Variants in TCF7L2 observed in about 807,000 individuals in gnomAD.
TCF7L2 encodes transcription factor 7 like 2.
Under a neutral mutation model 77.9 loss-of-function variants are expected in TCF7L2, and 23 were observed. The observed-to-expected ratio is 0.30, with a 90% CI of 0.21 to 0.42. The LOEUF is 0.42. Among genes scored for constraint, TCF7L2 ranks in the 10% least tolerant of loss-of-function variants. The pLI is 1.00. For synonymous variants in TCF7L2, 413 were observed against 340.2 expected (o/e 1.21, Z -2.36); for missense variants, 654 against 793.1 (o/e 0.82, Z 2.11).
chr10:112,971,854 C>A (rs1388036739), intron 4 of TCF7L2, among the ~76,000 whole-genome samples: 1 of 152,052 alleles, frequency 6.6e-6, no homozygotes, highest in Non-Finnish European at 1.5e-5. Flanking sequence ...CTCAGGTGAT[C>A]CATCTGCTTT....
chr10:113,086,223 A>G (rs1009378171), intron 5 of TCF7L2, among the ~76,000 whole-genome samples: 3 of 152,226 alleles, frequency 2.0e-5, no homozygotes, highest in African/African-American at 4.8e-5. Context: ...ATGGAGGCCA[A>G]TCTGGCTGAG....
intron 5 of TCF7L2, among the ~76,000 whole-genome samples, chr10:113,073,099 C>CTGTGTGTGTGT (rs145753150): frequency 9.6e-6 from 1 of 103,962 alleles, no homozygotes; most frequent in Non-Finnish European, 1.9e-5. Context: ...AGGGCCAGGT[C>CTGTGTGTGTGT]GTGTGTGTGT....
At chr10:112,987,903 A>C (rs1043837098) in intron 4 of TCF7L2, 2 of 150,528 alleles carry the variant, frequency 1.3e-5, no homozygotes, top group African/African-American at 4.9e-5. Flanking sequence ...TAAATAAATA[A>C]ATAAAAATAA....
chr10:113,049,667 A>G (rs1245643147), intron 5 of TCF7L2, among the ~76,000 whole-genome samples: 1 of 152,168 alleles, frequency 6.6e-6, no homozygotes, highest in Non-Finnish European at 1.5e-5. Flanking sequence ...TGAAAGCCTT[A>G]GACAGATCAT....
chr10:112,954,627 T>A (rs955701696), intron 3 of TCF7L2, among the ~76,000 whole-genome samples: 5 of 152,208 alleles, frequency 3.3e-5, no homozygotes, highest in Admixed American at 2.6e-4. Flanking sequence ...CTGCAAATAT[T>A]AGAACTGTGG....
intron 5 of TCF7L2, among the ~76,000 whole-genome samples, chr10:113,059,762 G>A (rs1201210231): frequency 6.6e-6 from 1 of 152,128 alleles, no homozygotes; most frequent in Non-Finnish European, 1.5e-5. Context: ...CTCGGAAATT[G>A]CTTGGAGAAG....
At chr10:112,991,809 C>G (rs1446481004) in intron 4 of TCF7L2, among the ~76,000 whole-genome samples, 1 of 152,130 alleles carries the variant, frequency 6.6e-6, no homozygotes, top group Non-Finnish European at 1.5e-5. Flanking sequence ...GCACGTGGGG[C>G]ACTCTGCTTC....
chr10:112,967,151 G>A (rs1032080365), intron 4 of TCF7L2, among the ~76,000 whole-genome samples: 1 of 152,216 alleles, frequency 6.6e-6, no homozygotes, highest in African/African-American at 2.4e-5. Context: ...TTTTCGCTCT[G>A]GATGTGGCAT....
intron 3 of TCF7L2, 41 bp from the exon 4 acceptor site, chr10:112,964,515 G>A: frequency 1.3e-6 from 2 of 1,584,844 alleles, no homozygotes; most frequent in African/African-American, 1.3e-5. Context: ...CTTGTAGTTT[G>A]TGACATAAGC....
intron 4 of TCF7L2, among the ~76,000 whole-genome samples, 193 bp downstream of exon 4, chr10:112,964,817 G>C (rs1355165170): frequency 6.8e-6 from 1 of 147,012 alleles, no homozygotes; most frequent in South Asian, 2.2e-4. Flanking sequence ...GGTGGTGGGG[G>C]GGGGTTGAAT....
In TCF7L2 at chr10:112,951,252, T is replaced by G; in HGVS notation, c.235T>G (p.Ser79Ala). 3 of 1,540,218 alleles carry G rather than the reference T, an allele frequency of 1.9e-6. No homozygotes were observed. The highest frequency in any genetic ancestry group is 2.6e-6 in the Non-Finnish European group (3 of 1,144,814). The stretch of plus-strand genomic sequence containing the variant: ...TCGCTCCGAAAGTTTCCGAGACAAA[T>G]CCCGGGAAAGTTTGGAAGAAGGTGA... Residue 79 changes from serine (S) to alanine (A), a missense_variant, in exon 2 of 14, where the codon TCC becomes GCC. By Grantham distance (99) the Ser-to-Ala change is moderately conservative (BLOSUM62 1). This residue lies in a region of TCF7L2 where 132 missense variants were observed against 123.7 expected (regional missense o/e 1.07). Transcript: ENST00000627217.
At chr10:113,144,611 A>G (rs780215531) in intron 7 of TCF7L2, among the ~76,000 whole-genome samples, 7 of 152,152 alleles carry the variant, frequency 4.6e-5, no homozygotes, top group Non-Finnish European at 1.0e-4. Flanking sequence ...TCTGTTGAGA[A>G]GCTCCATGGG....
At chr10:113,137,244 G>C (rs940142338) in intron 5 of TCF7L2, among the ~76,000 whole-genome samples, 1 of 152,162 alleles carries the variant, frequency 6.6e-6, no homozygotes, top group South Asian at 2.1e-4. Flanking sequence ...AATCATGGCT[G>C]TGTATCCCCC....
intron 5 of TCF7L2, among the ~76,000 whole-genome samples, chr10:113,135,915 C>T (rs2067321230): frequency 6.6e-6 from 1 of 152,082 alleles, no homozygotes; most frequent in African/African-American, 2.4e-5. Context: ...AGTCCTGAAG[C>T]AGCTGTATCC....
At chr10:113,142,188 A>G (rs917841207) in intron 6 of TCF7L2, among the ~76,000 whole-genome samples, 1 of 152,080 alleles carries the variant, frequency 6.6e-6, no homozygotes, top group African/African-American at 2.4e-5. Flanking sequence ...TATTTTTAGG[A>G]GAGACAGGTT....
chr10:113,080,732 T>A (rs1049622075), intron 5 of TCF7L2, among the ~76,000 whole-genome samples: 2 of 152,238 alleles, frequency 1.3e-5, no homozygotes, highest in Admixed American at 1.3e-4. Context: ...CTTGTTTTCA[T>A]AAGCACCCGA....
intron 5 of TCF7L2, among the ~76,000 whole-genome samples, chr10:113,079,965 TTTA>T (rs2059154588): frequency 6.6e-6 from 1 of 151,992 alleles, no homozygotes; most frequent in South Asian, 2.1e-4. Flanking sequence ...TCGCCATCCT[TTTA>T]TTGGTGAGAA....
At chr10:113,002,459 A>G (rs1454954480) in intron 4 of TCF7L2, among the ~76,000 whole-genome samples, 3 of 152,182 alleles carry the variant, frequency 2.0e-5, no homozygotes, top group African/African-American at 7.2e-5. Flanking sequence ...ACATCCTGCA[A>G]TGCCCAGGAC....
intron 12 of TCF7L2, 76 bp from the exon 14 acceptor site, chr10:113,159,844 C>A: frequency 1.3e-5 from 1 of 77,878 alleles, no homozygotes; most frequent in Non-Finnish European, 2.3e-5. Context: ...CCCCCCCCCC[C>A]CTCTTTCTCT....
Sources: gnomAD v4.1 joint callset for allele counts (sites outside exome capture counted in the v4.1 genomes callset) on GRCh38, gnomAD v4.1.1 for gene constraint, gnomAD v4.1.1 regional missense constraint, MANE v1.5 for transcripts, NCBI Gene and HGNC (gene_info 2026-07-23, HGNC 2026-07-21) for gene names.